ATP9B: variants seen among roughly 807,000 people sequenced by gnomAD.
The protein encoded by ATP9B is probable phospholipid-transporting ATPase IIB.
ATP9B carries 110 observed loss-of-function variants against 146.1 expected under a neutral mutation model. The observed-to-expected ratio is 0.75, with a 90% CI of 0.65 to 0.88. The LOEUF (loss-of-function observed/expected upper bound fraction) is 0.88, where lower values mean the gene tolerates loss of function less well. Among genes scored for constraint, ATP9B ranks in the 40% least tolerant of loss-of-function variants. The pLI is 0.00. For synonymous variants in ATP9B, 604 were observed against 569.7 expected (o/e 1.06, Z -0.86); for missense variants, 1,499 against 1,496.4 (o/e 1.00, Z -0.03).
rs140379827 is a variant in ATP9B, at chr18:79,207,254, G to T, written c.1030+242G>T. On this transcript the variant is annotated intron_variant, in intron 10 of 29. Coordinates refer to ENST00000426216, the MANE Select transcript of ATP9B (RefSeq NM_198531.5). The stretch of plus-strand genomic sequence containing the variant: ...GACAGGGAGAGGTGCTGCAGCCTTC[G>T]TGCAGGAGTACAGGGATATTCTGTT... 6.5e-3 allele frequency among the ~76,000 whole-genome samples: 984 copies of T among 152,298 alleles called. 12 individuals carry two copies. The highest frequency in any genetic ancestry group is 0.023 in the African/African-American group (947 of 41,562).
intron 9 of ATP9B, among the ~76,000 whole-genome samples, chr18:79,205,817 A>T (rs2095528399): frequency 6.6e-6 from 1 of 152,096 alleles, no homozygotes; most frequent in Non-Finnish European, 1.5e-5. Context: ...GTAAAACTAG[A>T]CTGTACATAT....
At chr18:79,096,799 C>A in intron 2 of ATP9B, 150 bp downstream of exon 2, 4 of 681,698 alleles carry the variant, frequency 5.9e-6, no homozygotes, top group South Asian at 3.1e-5. Flanking sequence ...TTAATCAAAG[C>A]CAAACAATGC....
chr18:79,327,446 T>C (rs1055941354), intron 15 of ATP9B, among the ~76,000 whole-genome samples: 53 of 149,318 alleles, frequency 3.5e-4, no homozygotes, highest in African/African-American at 1.1e-3. Flanking sequence ...CCATGGTTAG[T>C]GTGCTCCCCA....
chr18:79,293,963 G>C (rs2096529482), intron 13 of ATP9B, among the ~76,000 whole-genome samples: 1 of 152,042 alleles, frequency 6.6e-6, no homozygotes, highest in South Asian at 2.1e-4. Flanking sequence ...TGTACATGTA[G>C]AATTCCTCTC....
At chr18:79,280,017 A>C (rs150450072) in intron 13 of ATP9B, among the ~76,000 whole-genome samples, 62 of 152,366 alleles carry the variant, frequency 4.1e-4, no homozygotes, top group Non-Finnish European at 1.6e-4. Context: ...ACCAGAAGAC[A>C]TGCATAAGAG....
intron 1 of ATP9B, among the ~76,000 whole-genome samples, chr18:79,088,284 A>G (rs1376577916): frequency 6.6e-6 from 1 of 152,262 alleles, no homozygotes; most frequent in African/African-American, 2.4e-5. Context: ...TTAATGAAAA[A>G]GATCAAAAGT....
chr18:79,306,023 T>G (rs1440510367), intron 14 of ATP9B, among the ~76,000 whole-genome samples: 4 of 152,214 alleles, frequency 2.6e-5, no homozygotes, highest in African/African-American at 9.6e-5. Context: ...GTTTGCTGTC[T>G]CGCAGCAGCG....
intron 5 of ATP9B, among the ~76,000 whole-genome samples, chr18:79,135,361 T>C (rs1410738329): frequency 6.6e-6 from 1 of 152,204 alleles, no homozygotes; most frequent in Admixed American, 6.5e-5. Flanking sequence ...GAATTCATGT[T>C]CTGTTTTTCC....
chr18:79,225,980 T>C (rs1168846868), intron 11 of ATP9B, among the ~76,000 whole-genome samples: 1 of 152,226 alleles, frequency 6.6e-6, no homozygotes, highest in Non-Finnish European at 1.5e-5. Flanking sequence ...GGCTCCCCCA[T>C]TGTCATCACT....
intron 12 of ATP9B, among the ~76,000 whole-genome samples, chr18:79,255,773 T>A (rs1292792050): frequency 1.3e-5 from 2 of 152,202 alleles, no homozygotes; most frequent in African/African-American, 4.8e-5. Context: ...GGGGCACATA[T>A]GCATGTTTGT....
chr18:79,197,919 A>G (rs1289954019), intron 9 of ATP9B, among the ~76,000 whole-genome samples: 1 of 152,244 alleles, frequency 6.6e-6, no homozygotes, highest in Non-Finnish European at 1.5e-5. Context: ...AATCTATAGA[A>G]TAAGGACATG....
At chr18:79,331,071 G>A (rs369799207) in intron 17 of ATP9B, among the ~76,000 whole-genome samples, 8 of 152,274 alleles carry the variant, frequency 5.3e-5, no homozygotes, top group South Asian at 4.1e-4. Flanking sequence ...TGATTTTATC[G>A]TTAAGCTTAT....
chr18:79,308,368 G>A (rs1458632599), intron 15 of ATP9B, among the ~76,000 whole-genome samples: 2 of 152,178 alleles, frequency 1.3e-5, no homozygotes, highest in African/African-American at 4.8e-5. Context: ...AGCAGTGTTA[G>A]AGCCGGGAAG....
intron 13 of ATP9B, among the ~76,000 whole-genome samples, chr18:79,290,735 C>CTG (rs1177865169): frequency 6.6e-6 from 1 of 152,266 alleles, no homozygotes; most frequent in African/African-American, 2.4e-5. Context: ...TAGACTGGAG[C>CTG]TGTTCCTATT....
At chr18:79,123,811 T>C (rs922763981) in intron 4 of ATP9B, among the ~76,000 whole-genome samples, 5 of 152,186 alleles carry the variant, frequency 3.3e-5, no homozygotes, top group African/African-American at 1.2e-4. Flanking sequence ...AATAGTAACT[T>C]TTATAACTCA....
intron 10 of ATP9B, among the ~76,000 whole-genome samples, chr18:79,209,057 T>C (rs1460084606): frequency 1.3e-5 from 2 of 152,152 alleles, no homozygotes; most frequent in African/African-American, 4.8e-5. Flanking sequence ...AGGTGGTGAG[T>C]GTGGTCAGTG....
intron 12 of ATP9B, among the ~76,000 whole-genome samples, chr18:79,261,774 T>A (rs927559655): frequency 6.6e-6 from 1 of 152,178 alleles, no homozygotes; most frequent in African/African-American, 2.4e-5. Flanking sequence ...GTTTTGCTTG[T>A]AAGAAACAGT....
At chr18:79,273,039 T>C (rs2096271970) in intron 12 of ATP9B, among the ~76,000 whole-genome samples, 1 of 152,198 alleles carries the variant, frequency 6.6e-6, no homozygotes, top group East Asian at 1.9e-4. Flanking sequence ...GGATTACTCT[T>C]GGTGTCTGGC....
In ATP9B at chr18:79,101,968, C is replaced by T. The variant is rs921311824; in HGVS notation, c.293+5319C>T. Among the ~76,000 whole-genome samples the T allele has an allele frequency of 4.0e-5, 6 of 151,606 alleles. No homozygotes were observed. The East Asian group carries it at 5.8e-4, about 15-fold the overall frequency. On this transcript the variant is annotated intron_variant, in intron 2 of 29. Coordinates refer to ENST00000426216, the MANE Select transcript of ATP9B (RefSeq NM_198531.5). ...TTTATTTTTTTTCTTTTTTTTGAGACGGAGTCTCGCTCTGTCACCCAGGCT... is the reference window on the plus strand; with the variant it reads ...TTTATTTTTTTTCTTTTTTTTGAGATGGAGTCTCGCTCTGTCACCCAGGCT...
Sources: gnomAD v4.1 joint callset for allele counts (sites outside exome capture counted in the v4.1 genomes callset) on GRCh38, gnomAD v4.1.1 for gene constraint, MANE v1.5 for transcripts, NCBI Gene and HGNC (gene_info 2026-07-23, HGNC 2026-07-21) for gene names.